The following UGT1A10 variants were observed in gnomAD, a reference collection of about 807,000 sequenced individuals.
UGT1A10 encodes the protein UDP glucuronosyltransferase family 1 member A10.
Under a neutral mutation model 45.8 loss-of-function variants are expected in UGT1A10, and 49 were observed. The ratio of observed to expected loss-of-function variants is 1.07; its 90% confidence interval spans 0.85 to 1.36. The LOEUF is 1.36. Ranked by LOEUF, UGT1A10 falls within the 40% of genes most tolerant of loss-of-function variation. UGT1A10 has a pLI of 0.00. For synonymous variants in UGT1A10, 284 were observed against 249.7 expected (o/e 1.14, Z -1.29); for missense variants, 745 against 668.6 (o/e 1.11, Z -1.26).
At chr2:233,663,799 G>A (rs1275450513) in intron 1 of UGT1A10, among the ~76,000 whole-genome samples, 1 of 152,210 alleles carries the variant, frequency 6.6e-6, no homozygotes, top group Non-Finnish European at 1.5e-5. Context: ...AGTCAGTTAA[G>A]TTAGATCTTT....
intron 1 of UGT1A10, among the ~76,000 whole-genome samples, chr2:233,744,443 C>T (rs1003987688): frequency 1.2e-4 from 18 of 151,818 alleles, no homozygotes; most frequent in African/African-American, 3.9e-4. Flanking sequence ...ATACGTACTG[C>T]ATTAGAGATT....
intron 1 of UGT1A10, among the ~76,000 whole-genome samples, chr2:233,683,893 T>C (rs537547102): frequency 6.6e-6 from 1 of 152,300 alleles, no homozygotes; most frequent in Admixed American, 6.5e-5. Flanking sequence ...TATTTATACC[T>C]CTTATTTTGG....
intron 1 of UGT1A10, among the ~76,000 whole-genome samples, chr2:233,696,635 G>A (rs2075353037): frequency 6.6e-6 from 1 of 151,978 alleles, no homozygotes; most frequent in African/African-American, 2.4e-5. Flanking sequence ...TTGCTTAATT[G>A]CTTTGGATAG....
chr2:233,747,300 G>A (rs1415294813), intron 1 of UGT1A10: 68 of 1,602,464 alleles, frequency 4.2e-5, no homozygotes, highest in Admixed American at 3.8e-4. Flanking sequence ...CTGAGAGTGG[G>A]AAGGTGCTGG....
At chr2:233,697,288 T>G (rs929797712) in intron 1 of UGT1A10, among the ~76,000 whole-genome samples, 1 of 152,166 alleles carries the variant, frequency 6.6e-6, no homozygotes, top group African/African-American at 2.4e-5. Context: ...TTTCTATTTC[T>G]TCTTCATTCA....
At chr2:233,673,102 C>A (rs2741048) in intron 1 of UGT1A10, among the ~76,000 whole-genome samples, 93,600 of 151,956 alleles carry the variant, frequency 0.62, 29,075 homozygotes, top group South Asian at 0.65. Flanking sequence ...ATTCTATATG[C>A]CCGCCCCAGA....
intron 1 of UGT1A10, among the ~76,000 whole-genome samples, chr2:233,748,437 T>C (rs1194940254): frequency 2.6e-5 from 4 of 151,838 alleles, no homozygotes; most frequent in African/African-American, 9.7e-5. Flanking sequence ...GATTTTTTGT[T>C]TGCACAATTT....
At chr2:233,671,556 T>C (rs1234511276) in intron 1 of UGT1A10, among the ~76,000 whole-genome samples, 1 of 152,204 alleles carries the variant, frequency 6.6e-6, no homozygotes, top group East Asian at 1.9e-4. Context: ...ATCTAAATTT[T>C]GCTCTGGGAC....
chr2:233,706,284 C>T (rs1160416352), intron 1 of UGT1A10, among the ~76,000 whole-genome samples: 2 of 152,062 alleles, frequency 1.3e-5, no homozygotes, highest in East Asian at 1.9e-4. Flanking sequence ...AGGGGTGGGG[C>T]CCAGTGCCAG....
intron 1 of UGT1A10, chr2:233,690,819 A>T: frequency 9.3e-7 from 1 of 1,070,628 alleles, no homozygotes; most frequent in Non-Finnish European, 1.1e-6. Context: ...GTACAGTCAA[A>T]GCTCACAGGA....
At chr2:233,666,663 T>C (rs1264887613) in intron 1 of UGT1A10, among the ~76,000 whole-genome samples, 2 of 152,216 alleles carry the variant, frequency 1.3e-5, no homozygotes, top group African/African-American at 4.8e-5. Flanking sequence ...TTTTTTATTA[T>C]TGTACTTTAA....
At chr2:233,665,060 T>C (rs1016523769) in intron 1 of UGT1A10, among the ~76,000 whole-genome samples, 1 of 152,234 alleles carries the variant, frequency 6.6e-6, no homozygotes, top group African/African-American at 2.4e-5. Context: ...GAAATTATTT[T>C]ATGCATATGC....
rs1434418426 is a variant in UGT1A10 at position 233,747,592 on chromosome 2, C to T, written c.856-19442C>T. On this transcript the variant is annotated intron_variant, in intron 1 of 4. Coordinates refer to ENST00000344644, the MANE Select transcript of UGT1A10 (RefSeq NM_019075.4). Reference sequence around the variant, plus strand: ...AATTCATCTTTGGTCTTTCATAGGTCTTGTGTGGAGCTACTGCATAATGAG... The same window carrying T: ...AATTCATCTTTGGTCTTTCATAGGTTTTGTGTGGAGCTACTGCATAATGAG... The T allele has an allele frequency of 5.7e-6, 9 of 1,575,532 alleles. No individual in the cohort carries two copies. The South Asian group carries it at 8.9e-5, about 16-fold the overall frequency.
At chr2:233,714,579 T>G (rs2125639821) in intron 1 of UGT1A10, among the ~76,000 whole-genome samples, 1 of 152,344 alleles carries the variant, frequency 6.6e-6, no homozygotes, top group Middle Eastern at 3.4e-3. Flanking sequence ...ACATACATAA[T>G]TTAAACTTTT....
intron 1 of UGT1A10, among the ~76,000 whole-genome samples, chr2:233,748,399 G>T (rs1575689614): frequency 6.6e-6 from 1 of 151,790 alleles, no homozygotes; most frequent in East Asian, 1.9e-4. Context: ...AAGGAGCAGG[G>T]ACACTACATT....
At chr2:233,735,907 G>A (rs1349886995) in intron 1 of UGT1A10, among the ~76,000 whole-genome samples, 1 of 151,990 alleles carries the variant, frequency 6.6e-6, no homozygotes, top group African/African-American at 2.4e-5. Context: ...TTCCCTTTGT[G>A]GGTAACCCGA....
chr2:233,688,264 A>T (rs895656410), intron 1 of UGT1A10, among the ~76,000 whole-genome samples: 1 of 152,206 alleles, frequency 6.6e-6, no homozygotes, highest in African/African-American at 2.4e-5. Context: ...TACATGGCCG[A>T]ATATTCCATT....
intron 1 of UGT1A10, among the ~76,000 whole-genome samples, chr2:233,676,224 C>T (rs1366951476): frequency 6.6e-6 from 1 of 152,180 alleles, no homozygotes; most frequent in African/African-American, 2.4e-5. Context: ...CCGATGGATT[C>T]ATCAGAAGCA....
chr2:233,696,474 G>A (rs1025416296), intron 1 of UGT1A10, among the ~76,000 whole-genome samples: 1 of 152,046 alleles, frequency 6.6e-6, no homozygotes, highest in Non-Finnish European at 1.5e-5. Flanking sequence ...AGTTGATCTT[G>A]TATACTGCAA....
Sources: allele counts gnomAD v4.1 joint callset (sites outside exome capture counted in the v4.1 genomes callset), GRCh38; gene constraint gnomAD v4.1.1; transcripts MANE v1.5; gene names NCBI Gene and HGNC (gene_info 2026-07-23, HGNC 2026-07-21).